DVL3: variants seen among roughly 807,000 people sequenced by gnomAD.
The protein encoded by DVL3 is dishevelled segment polarity protein 3.
A neutral mutation model predicts 67.4 loss-of-function variants in DVL3; 27 were observed. The ratio of observed to expected loss-of-function variants is 0.40; its 90% CI spans 0.30 to 0.55. The LOEUF (loss-of-function observed/expected upper bound fraction) is 0.55, where lower values mean the gene tolerates loss of function less well. Ranked by LOEUF, DVL3 falls within the 20% of genes least tolerant of loss-of-function variation. The pLI is 0.46. For synonymous variants in DVL3, 369 were observed against 396.8 expected, an observed-to-expected ratio of 0.93 and a Z score of 0.83; for missense variants, 819 against 1,021.5, an observed-to-expected ratio of 0.80 and a Z score of 2.70.
At position 184,165,149 on chromosome 3, in the gene DVL3, C is replaced by T; in HGVS notation, c.636C>T (p.Arg212=). The change falls in exon 6 of 15, where the codon CGC becomes CGT. Residue 212 remains arginine (R), a synonymous_variant. Coordinates refer to ENST00000313143, the MANE Select transcript of DVL3 (RefSeq NM_004423.4). The surrounding 1 kb of genome is among the most constrained non-coding windows in gnomAD (Gnocchi z 4.1). ...CCACAGAACAGAGCAGTGCCTCACG[C>T]CTGATGAGAAGACACAAGCGGCGGC... The part of the protein sequence containing the change: ...SSSTEQSSAS[R]LMRRHKRRRR... The T allele has an allele frequency of 6.2e-7, 1 of 1,611,164 alleles. No homozygotes were observed. Among genetic ancestry groups the T allele is most frequent in the East Asian group, 2.2e-5 (1 of 44,852 alleles).
chr3:184,156,588 T>A (rs1714198248), intron 1 of DVL3: 1 of 407,210 alleles, frequency 2.5e-6, no homozygotes, highest in Non-Finnish European at 4.9e-6. Context: ...TGGTGGGGTC[T>A]TCCCTTCCAC....
Position 184,171,713 on chromosome 3 carries a change from C to T in DVL3, c.*958C>T, listed in dbSNP as rs1714846948. On this transcript the variant is annotated 3_prime_UTR_variant, in exon 15 of 15. Coordinates refer to ENST00000313143, the MANE Select transcript of DVL3 (RefSeq NM_004423.4). ...ACACCCACACGTTAACATAATGAGT[C>T]ACTAGGCTTCTGGGGAGGGCCCAAC... 2 of 541,352 alleles carry T rather than the reference C, an allele frequency of 3.7e-6. No individual in the cohort carries two copies. The highest frequency in any genetic ancestry group is 1.6e-4 in the South Asian group (2 of 12,534). 33.5% of individuals were successfully genotyped at this position (541,352 alleles called of 1,614,324 possible). A position where few individuals can be genotyped will look rare whatever the true frequency, so the allele number is the denominator to read the frequency against.
In DVL3 at chr3:184,165,449, T is replaced by G; in HGVS notation, c.721T>G (p.Ser241Ala). ...RSSSFSSITD[S>A]TMSLNIITVT... ...CTCGTCCTTCAGCAGCATCACGGAC[T>G]CCACCATGTCACTCAACATCATCAC... The change falls in exon 7 of 15, where the codon TCC (serine) becomes GCC (alanine). Residue 241 changes from serine to alanine, a missense_variant. Transcript: ENST00000313143. The surrounding 1 kb of genome is among the most constrained non-coding windows in gnomAD (Gnocchi z 4.1). 1 of 1,614,106 alleles carries G rather than the reference T, an allele frequency of 6.2e-7. No homozygotes were observed. The highest frequency in any genetic ancestry group is 8.5e-7 in the Non-Finnish European group (1 of 1,180,012).
rs1171632931 is a variant in DVL3 at position 184,166,983 on chromosome 3, T to A, written c.1198+8T>A. On this transcript the variant is annotated splice_region_variant and intron_variant, in intron 11 of 14. Transcript: ENST00000313143. The surrounding 1 kb of genome is among the most constrained non-coding windows in gnomAD (Gnocchi z 6.7). ...CCATCCCTGACACAGAGCGTGAGTG[T>A]CCCACCCTGTCTCCTGGGCCCAGCA... 6.2e-7 allele frequency: 1 copy of A among 1,613,564 alleles called. No homozygotes were observed. Among genetic ancestry groups the A allele is most frequent in the Non-Finnish European group, 8.5e-7 (1 of 1,179,740 alleles).
In DVL3 at chr3:184,155,643, A is replaced by T; in HGVS notation, c.8A>T (p.Glu3Val). The change falls in exon 1 of 15, where the codon GAG (glutamate) becomes GTG (valine). Residue 3 changes from glutamate to valine, a missense_variant. Physicochemically the swap from Glu to Val is moderately radical, Grantham distance 121. This residue lies in a region of DVL3 where 385 missense variants were observed against 486.8 expected (regional missense o/e 0.79). Coordinates refer to ENST00000313143, the MANE Select transcript of DVL3 (RefSeq NM_004423.4). This position sits in a 1 kb window ranked among gnomAD's most constrained non-coding sequence, Gnocchi z 5.4. ...GGGCCCGAGGCCAGAGCCATGGGCG[A>T]GACCAAGATCATCTACCACTTGGAT... is the stretch of plus-strand genomic sequence containing the variant. MG[E>V]TKIIYHLDGQ... 6.3e-7 allele frequency: 1 copy of T among 1,583,348 alleles called. No homozygotes were observed. The highest frequency in any genetic ancestry group is 8.6e-7 in the Non-Finnish European group (1 of 1,167,216).
chr3:184,155,872 C>T lies in DVL3; in HGVS notation c.161+76C>T, dbSNP rs1324024633. 23 of 1,499,728 alleles carry T rather than the reference C, an allele frequency of 1.5e-5. No individual in the cohort carries two copies. The highest frequency in any genetic ancestry group is 2.8e-5 in the African/African-American group (2 of 71,444). 92.9% of individuals were successfully genotyped at this position (1,499,728 alleles called of 1,614,324 possible). A position where few individuals can be genotyped will look rare whatever the true frequency, so the allele number is the denominator to read the frequency against. ...TAAGGGATGACGCGGTCCGTTTCGA[C>T]TTGCCTCGCTACACCGGCTCCTAGC... On this transcript the variant is annotated intron_variant, in intron 1 of 14. Coordinates refer to ENST00000313143, the MANE Select transcript of DVL3 (RefSeq NM_004423.4). The surrounding 1 kb of genome is among the most constrained non-coding windows in gnomAD (Gnocchi z 5.4).
At position 184,171,282 on chromosome 3, in the gene DVL3, C is replaced by T; in HGVS notation, c.*527C>T. ...TCTGCCCCTACTAACCATCCCCCTG[C>T]CTGCTGCCTCAGTCCTGCAACCTAA... On this transcript the variant is annotated 3_prime_UTR_variant, in exon 15 of 15. Coordinates refer to ENST00000313143, the MANE Select transcript of DVL3 (RefSeq NM_004423.4). The T allele has an allele frequency of 1.9e-6, 2 of 1,041,590 alleles. No individual in the cohort carries two copies. The highest frequency in any genetic ancestry group is 2.3e-6 in the Non-Finnish European group (2 of 865,468). 64.5% of individuals were successfully genotyped at this position (1,041,590 alleles called of 1,614,324 possible). A position where few individuals can be genotyped will look rare whatever the true frequency, so the allele number is the denominator to read the frequency against.
rs1714600357 is a variant in DVL3, at chr3:184,166,655, T to C, written c.1030T>C (p.Cys344Arg). ...GTGCTGGGACCCAAGTCCACGTGGT[T>C]GCTTCACATTGCCCAGGAGTAAGTG... ...AKCWDPSPRG[C>R]FTLPRSEPIR... is the part of the protein sequence containing the mutation. The change falls in exon 10 of 15, where the codon TGC becomes CGC. Residue 344 changes from cysteine to arginine, a missense_variant. This residue lies in a region of DVL3 where 385 missense variants were observed against 486.8 expected (regional missense o/e 0.79). Coordinates refer to ENST00000313143, the MANE Select transcript of DVL3 (RefSeq NM_004423.4). This position sits in a 1 kb window ranked among gnomAD's most constrained non-coding sequence, Gnocchi z 6.7. 1 of 1,614,022 alleles carries C rather than the reference T, an allele frequency of 6.2e-7. No homozygotes were observed. Among genetic ancestry groups the C allele is most frequent in the Admixed American group, 1.7e-5 (1 of 59,986 alleles).
At chr3:184,169,985 A>G (rs1714749477) in intron 13 of DVL3, 21 bp from the exon 14 acceptor site, 1 of 1,583,570 alleles carries the variant, frequency 6.3e-7, no homozygotes, top group East Asian at 2.2e-5. Context: ...ACCTAGCTCC[A>G]TCCGGCCCTC....
rs749596621 is a variant in DVL3 at position 184,170,893 on chromosome 3, G to C, written c.*138G>C. ...CTAAATCCAGGTGCGCTAACTGCTCGCAGGGTGCTGCGAGGGTGGGGTGCA... is the reference window on the plus strand; with the variant it reads ...CTAAATCCAGGTGCGCTAACTGCTCCCAGGGTGCTGCGAGGGTGGGGTGCA... On this transcript the variant is annotated 3_prime_UTR_variant, in exon 15 of 15. Coordinates refer to ENST00000313143, the MANE Select transcript of DVL3 (RefSeq NM_004423.4). This position sits in a 1 kb window ranked among gnomAD's most constrained non-coding sequence, Gnocchi z 6.5. The C allele has an allele frequency of 9.1e-6, 14 of 1,546,740 alleles. No homozygotes were observed. Among genetic ancestry groups the C allele is most frequent in the Non-Finnish European group, 1.2e-5 (14 of 1,146,198 alleles).
rs767138549 is a variant in DVL3, at chr3:184,170,599, C to T, written c.1995C>T (p.Pro665=). The stretch of plus-strand genomic sequence containing the variant: ...GAGTGCCCCCTCTCTACGGCCCCCC[C>T]ATGCTGATGATGCCCCCGCCGCCCG... The part of the protein sequence containing the change: ...PPGVPPLYGP[P]MLMMPPPPAA... The change falls in exon 15 of 15, where the codon CCC becomes CCT. Residue 665 remains proline, a synonymous_variant. Coordinates refer to ENST00000313143, the MANE Select transcript of DVL3 (RefSeq NM_004423.4). This position sits in a 1 kb window ranked among gnomAD's most constrained non-coding sequence, Gnocchi z 6.5. 1 of 1,610,234 alleles carries T rather than the reference C, an allele frequency of 6.2e-7. No individual in the cohort carries two copies. The highest frequency in any genetic ancestry group is 1.1e-5 in the South Asian group (1 of 90,838).
At position 184,164,983 on chromosome 3, in the gene DVL3, C is replaced by G. The variant is rs1414302921; in HGVS notation, c.599+52C>G. The G allele has an allele frequency of 6.2e-7, 1 of 1,612,380 alleles. No individual in the cohort carries two copies. On this transcript the variant is annotated intron_variant, in intron 5 of 14. Coordinates refer to ENST00000313143, the MANE Select transcript of DVL3 (RefSeq NM_004423.4). This position sits in a 1 kb window ranked among gnomAD's most constrained non-coding sequence, Gnocchi z 5.3. ...TGGGGCAGGTGACCCTGGAGGAGCC[C>G]TAAACCCTGAGGATGCGGGGCCCCT...
rs965431462 is a variant in DVL3, at chr3:184,165,030, T to C, written c.600-83T>C. On this transcript the variant is annotated intron_variant, in intron 5 of 14. Transcript: ENST00000313143. This position sits in a 1 kb window ranked among gnomAD's most constrained non-coding sequence, Gnocchi z 4.1. ...CCCTGGGAGGCTTATGGGCTTTGTG[T>C]TGGGGACCCAGGCCCTGCAGTGCCT... 6.2e-7 allele frequency: 1 copy of C among 1,608,424 alleles called. No individual in the cohort carries two copies. The highest frequency in any genetic ancestry group is 1.7e-4 in the Middle Eastern group (1 of 6,018).
chr3:184,158,171 C>T (rs1274547878), intron 1 of DVL3, among the ~76,000 whole-genome samples: 1 of 151,878 alleles, frequency 6.6e-6, no homozygotes, highest in Admixed American at 6.6e-5. Context: ...CCCATCTCTA[C>T]AAAAAAATTT....
At chr3:184,162,560 CTTT>C (rs35869796) in intron 1 of DVL3, among the ~76,000 whole-genome samples, 7 of 123,508 alleles carry the variant, frequency 5.7e-5, no homozygotes, top group Non-Finnish European at 8.2e-5. Context: ...TTTTTCTTTT[CTTT>C]TTTTTTTTTT....
At chr3:184,156,731 A>C in intron 1 of DVL3, 2 of 292,560 alleles carry the variant, frequency 6.8e-6, no homozygotes, top group Non-Finnish European at 1.4e-5. Flanking sequence ...TCCCCCTCGA[A>C]CCCCCCCAAC....
chr3:184,166,348 C>T lies in DVL3; in HGVS notation c.903+83C>T, dbSNP rs1432266970. 11 of 1,607,398 alleles carry T rather than the reference C, an allele frequency of 6.8e-6. 1 individual carries two copies. In the South Asian group the frequency reaches 7.7e-5, roughly 11 times the overall value. On this transcript the variant is annotated intron_variant, in intron 8 of 14. Transcript: ENST00000313143. The surrounding 1 kb of genome is among the most constrained non-coding windows in gnomAD (Gnocchi z 6.7). Reference sequence around the variant, plus strand: ...TCTGTACCCTGCTCCTTCAGAGGCCCCTTCTTGGTTGGGGGAAGACTCCCT... The same window carrying T: ...TCTGTACCCTGCTCCTTCAGAGGCCTCTTCTTGGTTGGGGGAAGACTCCCT...
At position 184,155,788 on chromosome 3, in the gene DVL3, C is replaced by T. The variant is rs761904481; in HGVS notation, c.153C>T (p.Asp51=). ...SYKFFFKSMD[D]DFGVVKEEIS... ...AGTTCTTCTTCAAGTCTATGGACGACGATTTCGGGTGAGGATGGCCCCCGC... is the reference window on the plus strand; with the variant it reads ...AGTTCTTCTTCAAGTCTATGGACGATGATTTCGGGTGAGGATGGCCCCCGC... The change falls in exon 1 of 15, where the codon GAC becomes GAT. Residue 51 remains aspartate (D), a synonymous_variant. Coordinates refer to ENST00000313143, the MANE Select transcript of DVL3 (RefSeq NM_004423.4). The surrounding 1 kb of genome is among the most constrained non-coding windows in gnomAD (Gnocchi z 5.4). The T allele has an allele frequency of 8.7e-6, 14 of 1,608,384 alleles. 1 individual carries two copies. The highest frequency in any genetic ancestry group is 1.1e-5 in the Non-Finnish European group (13 of 1,177,696).
Position 184,165,546 on chromosome 3 carries a change from A to C in DVL3, c.763+55A>C. 1 of 1,510,562 alleles carries C rather than the reference A, an allele frequency of 6.6e-7. No homozygotes were observed. Among genetic ancestry groups the C allele is most frequent in the Non-Finnish European group, 9.2e-7 (1 of 1,086,314 alleles). The allele number at this position is 1,510,562 out of a possible 1,614,324, so 93.6% of individuals were successfully genotyped here. A position where few individuals can be genotyped will look rare whatever the true frequency, so the allele number is the denominator to read the frequency against. On this transcript the variant is annotated intron_variant, in intron 7 of 14. Transcript: ENST00000313143. The surrounding 1 kb of genome is among the most constrained non-coding windows in gnomAD (Gnocchi z 4.1). Reference sequence around the variant, plus strand: ...ACCTGCTATATGCCAGACACTGGGCAGACTTGAGTTCAGAGAGCGTAGAAT... The same window carrying C: ...ACCTGCTATATGCCAGACACTGGGCCGACTTGAGTTCAGAGAGCGTAGAAT...
Sources: allele counts gnomAD v4.1 joint callset (sites outside exome capture counted in the v4.1 genomes callset), GRCh38; gene constraint gnomAD v4.1.1; regional missense constraint gnomAD v4.1.1; non-coding constraint Gnocchi (gnomAD v3.1); transcripts MANE v1.5; gene names NCBI Gene and HGNC (gene_info 2026-07-23, HGNC 2026-07-21).